The following CBFA2T2 variants were observed in gnomAD, a reference collection of about 807,000 sequenced individuals.
CBFA2T2 encodes the protein protein CBFA2T2.
A neutral mutation model predicts 62.2 loss-of-function variants in CBFA2T2; 11 were observed. The ratio of observed to expected loss-of-function variants is 0.18; its 90% CI spans 0.11 to 0.29. The LOEUF (loss-of-function observed/expected upper bound fraction) is 0.29. Among genes scored for constraint, CBFA2T2 ranks in the 10% least tolerant of loss-of-function variants. CBFA2T2 has a pLI of 1.00. For synonymous variants in CBFA2T2, 295 were observed against 287.5 expected, an observed-to-expected ratio of 1.03 and a Z score of -0.27; for missense variants, 592 against 774.1, an observed-to-expected ratio of 0.76 and a Z score of 2.79.
chr20:33,606,848 C>T (rs1472222963), intron 1 of CBFA2T2, 108 bp from the exon 2 acceptor site: 2 of 1,033,902 alleles, frequency 1.9e-6, no homozygotes, highest in African/African-American at 1.6e-5. Context: ...ACTATTCAGC[C>T]TATTATACCA....
At chr20:33,491,933 T>G (rs1425957176) in intron 1 of CBFA2T2, among the ~76,000 whole-genome samples, 2 of 151,930 alleles carry the variant, frequency 1.3e-5, no homozygotes, top group African/African-American at 4.8e-5. Context: ...CAGGCTGGAG[T>G]GCAGTAGTAC....
In CBFA2T2 at chr20:33,514,893, T is replaced by C. The variant is rs1037989897; in HGVS notation, c.34+24592T>C. ...TTAATTATTAGAGATGGGGTTTCAC[T>C]GTGTTGGCCAGGCTGTTCTTGAACT... On this transcript the variant is annotated intron_variant, in intron 1 of 10. Transcript: ENST00000342704. 2.0e-3 allele frequency among the ~76,000 whole-genome samples: 304 copies of C among 151,730 alleles called. 1 individual carries two copies. Among genetic ancestry groups the C allele is most frequent in the African/African-American group, 7.1e-3 (294 of 41,484 alleles).
intron 1 of CBFA2T2, among the ~76,000 whole-genome samples, chr20:33,559,790 G>A (rs1224008779): frequency 6.6e-6 from 1 of 152,100 alleles, no homozygotes; most frequent in African/African-American, 2.4e-5. Context: ...CTGGCCAATT[G>A]TGGTCATTTT....
At chr20:33,566,552 G>GCTGA (rs935093297) in intron 1 of CBFA2T2, among the ~76,000 whole-genome samples, 122 of 152,076 alleles carry the variant, frequency 8.0e-4, no homozygotes, top group African/African-American at 2.8e-3. Context: ...GTTGCAGGGA[G>GCTGA]CTGAGATCAT....
chr20:33,619,432 T>TTA, intron 3 of CBFA2T2, 85 bp from the exon 4 acceptor site: 11 of 515,592 alleles, frequency 2.1e-5, no homozygotes, highest in African/African-American at 1.8e-4. Context: ...TAAATAACAT[T>TTA]AAAAAAAAAA....
At position 33,615,116 on chromosome 20, in the gene CBFA2T2, T is replaced by C. The variant is rs139697909; in HGVS notation, c.420+3781T>C. Among the ~76,000 whole-genome samples, 893 of 152,248 alleles carry C rather than the reference T, an allele frequency of 5.9e-3. 6 individuals carry two copies. The highest frequency in any genetic ancestry group is 0.02 in the African/African-American group (835 of 41,554). On this transcript the variant is annotated intron_variant, in intron 3 of 10. Transcript: ENST00000342704. ...GGAGACTGAGGCAGGAGGATCACTT[T>C]GGTCCAGGAGTTTGAGGCCAGCCTG...
intron 1 of CBFA2T2, among the ~76,000 whole-genome samples, chr20:33,602,566 C>T (rs2015180145): frequency 6.6e-6 from 1 of 151,876 alleles, no homozygotes; most frequent in East Asian, 1.9e-4. Flanking sequence ...TACAGTGGTT[C>T]CCCCTTACCC....
At chr20:33,625,051 T>C (rs1568861938) in intron 6 of CBFA2T2, 34 bp downstream of exon 6, 1 of 1,583,192 alleles carries the variant, frequency 6.3e-7, no homozygotes, top group East Asian at 2.2e-5. Context: ...AAATTCAGAC[T>C]GGATTCTTGG....
At chr20:33,549,866 T>A (rs1474888317) in intron 1 of CBFA2T2, among the ~76,000 whole-genome samples, 2 of 151,034 alleles carry the variant, frequency 1.3e-5, no homozygotes, top group Non-Finnish European at 3.0e-5. Flanking sequence ...TGCTGCTTTT[T>A]TTTTTTTTTT....
chr20:33,644,574 C>T lies in CBFA2T2; in HGVS notation c.1716C>T (p.Asp572=). Reference sequence around the variant, plus strand: ...GCAGCGTGCCCAGCCCAGCCCTCGACAAGACCTCGGCAACCACATCGCGTT... The same window carrying T: ...GCAGCGTGCCCAGCCCAGCCCTCGATAAGACCTCGGCAACCACATCGCGTT... ...ADCSVPSPAL[D]KTSATTSRSS... Residue 572 remains aspartate (D), a synonymous_variant, in exon 11 of 11, where the codon GAC becomes GAT. Transcript: ENST00000342704. 1 of 1,613,504 alleles carries T rather than the reference C, an allele frequency of 6.2e-7. No homozygotes were observed. The highest frequency in any genetic ancestry group is 8.5e-7 in the Non-Finnish European group (1 of 1,179,466).
intron 1 of CBFA2T2, among the ~76,000 whole-genome samples, chr20:33,563,178 T>G (rs1036913482): frequency 2.6e-5 from 4 of 152,224 alleles, no homozygotes; most frequent in Non-Finnish European, 4.4e-5. Flanking sequence ...TCTAACAGTT[T>G]TTCATTTACA....
chr20:33,581,916 A>G lies in CBFA2T2; in HGVS notation c.35-25040A>G, dbSNP rs78615473. ...ATAAGTGTGTGTGGATAAACTCTTCATTAGTGGAAAGGAATCTTAGTTTTC... is the reference window on the plus strand; with the variant it reads ...ATAAGTGTGTGTGGATAAACTCTTCGTTAGTGGAAAGGAATCTTAGTTTTC... On this transcript the variant is annotated intron_variant, in intron 1 of 10. Coordinates refer to ENST00000342704, the MANE Select transcript of CBFA2T2 (RefSeq NM_001032999.3). Among the ~76,000 whole-genome samples the G allele has an allele frequency of 1.2e-3, 176 of 152,320 alleles. 3 individuals are homozygous for G. In the East Asian group the frequency reaches 0.031, roughly 27 times the overall value.
intron 7 of CBFA2T2, among the ~76,000 whole-genome samples, 196 bp downstream of exon 7, chr20:33,628,631 G>C (rs1231486969): frequency 6.6e-6 from 1 of 152,124 alleles, no homozygotes; most frequent in Non-Finnish European, 1.5e-5. Context: ...ACCGTGCCTG[G>C]CTAATTTTTG....
At chr20:33,635,016 G>GA (rs2016587527) in intron 8 of CBFA2T2, among the ~76,000 whole-genome samples, 1 of 152,166 alleles carries the variant, frequency 6.6e-6, no homozygotes, top group Non-Finnish European at 1.5e-5. Context: ...TCCAAATCAT[G>GA]AATTTCAAAA....
rs539551890 is a variant in CBFA2T2 at position 33,490,168 on chromosome 20, C to T, written c.-100C>T. The T allele has an allele frequency of 8.7e-6, 10 of 1,144,848 alleles. No individual in the cohort carries two copies. The highest frequency in any genetic ancestry group is 4.3e-5 in the South Asian group (1 of 23,024). 70.9% of individuals were successfully genotyped at this position (1,144,848 alleles called of 1,614,324 possible). On this transcript the variant is annotated 5_prime_UTR_variant, in exon 1 of 11. It adds an upstream start codon to the 5' untranslated region. Transcript: ENST00000342704. ...TCGGCGGCTGCAGATCTCGCGGCGACGCCTGCGAGGGACCCGGGCCGCGGG... is the reference window on the plus strand; with the variant it reads ...TCGGCGGCTGCAGATCTCGCGGCGATGCCTGCGAGGGACCCGGGCCGCGGG...
intron 1 of CBFA2T2, among the ~76,000 whole-genome samples, chr20:33,547,432 G>A (rs1270243791): frequency 1.3e-5 from 2 of 152,116 alleles, no homozygotes; most frequent in African/African-American, 4.8e-5. Context: ...GGCCAGTGCT[G>A]TTGCTCATGC....
chr20:33,563,331 G>A (rs1252844096), intron 1 of CBFA2T2, among the ~76,000 whole-genome samples: 1 of 152,046 alleles, frequency 6.6e-6, no homozygotes, highest in Non-Finnish European at 1.5e-5. Context: ...GTGTTCTGTA[G>A]TCCTGGTTAG....
chr20:33,490,160 C>A lies in CBFA2T2; in HGVS notation c.-108C>A. The A allele has an allele frequency of 8.9e-7, 1 of 1,120,766 alleles. No homozygotes were observed. The highest frequency in any genetic ancestry group is 1.1e-6 in the Non-Finnish European group (1 of 899,548). 69.4% of individuals were successfully genotyped at this position (1,120,766 alleles called of 1,614,324 possible). Reference sequence around the variant, plus strand: ...TGGTTAGCTCGGCGGCTGCAGATCTCGCGGCGACGCCTGCGAGGGACCCGG... The same window carrying A: ...TGGTTAGCTCGGCGGCTGCAGATCTAGCGGCGACGCCTGCGAGGGACCCGG... On this transcript the variant is annotated 5_prime_UTR_variant, in exon 1 of 11. Coordinates refer to ENST00000342704, the MANE Select transcript of CBFA2T2 (RefSeq NM_001032999.3).
chr20:33,558,290 C>G (rs2012974011), intron 1 of CBFA2T2, among the ~76,000 whole-genome samples: 1 of 152,030 alleles, frequency 6.6e-6, no homozygotes, highest in Admixed American at 6.6e-5. Context: ...CGCCATCTTG[C>G]CCAGCTAATT....
Sources: gnomAD v4.1 joint callset for allele counts (sites outside exome capture counted in the v4.1 genomes callset) on GRCh38, gnomAD v4.1.1 for gene constraint, MANE v1.5 for transcripts, NCBI Gene and HGNC (gene_info 2026-07-23, HGNC 2026-07-21) for gene names.